ERCC6L: variants seen among roughly 807,000 people sequenced by gnomAD.
ERCC6L encodes DNA excision repair protein ERCC-6-like.
ERCC6L carries 7 observed loss-of-function variants against 20.1 expected under a neutral mutation model. The ratio of observed to expected loss-of-function variants is 0.35; its 90% confidence interval spans 0.20 to 0.65. The LOEUF (loss-of-function observed/expected upper bound fraction) is 0.65, where lower values mean the gene tolerates loss of function less well. Ranked by LOEUF, ERCC6L falls within the 30% of genes least tolerant of loss-of-function variation. The pLI, the probability that ERCC6L is intolerant of heterozygous loss-of-function variation, is 0.69. For synonymous variants in ERCC6L, 278 were observed against 331.3 expected, an observed-to-expected ratio of 0.84 and a Z score of 1.75; for missense variants, 592 against 892.4, an observed-to-expected ratio of 0.66 and a Z score of 4.29.
intron 1 of ERCC6L, among the ~76,000 whole-genome samples, chrX:72,214,955 C>G (rs1230453913): frequency 9.0e-6 from 1 of 111,285 alleles, no homozygotes; most frequent in Non-Finnish European, 1.9e-5. Context: ...CCACTGCACT[C>G]CAGCCTGGAT....
At chrX:72,222,279 C>A (rs1311527951) in intron 1 of ERCC6L, among the ~76,000 whole-genome samples, 2 of 112,118 alleles carry the variant, frequency 1.8e-5, no homozygotes, top group Non-Finnish European at 3.8e-5. Context: ...GTAACCCAAT[C>A]CTTTAATTTA....
Position 72,238,957 on chromosome X carries a change from T to C in ERCC6L, c.-46A>G. On this transcript the variant is annotated 5_prime_UTR_variant, in exon 1 of 2. Coordinates refer to ENST00000334463, the MANE Select transcript of ERCC6L (RefSeq NM_017669.4). ...GTTACCCCGGCGGGAGTTTGGAGCT[T>C]GGAGCTTGGAGCTTGGAGCTTGGAG... 4.1e-6 allele frequency: 4 copies of C among 972,516 alleles called. No homozygotes were observed. The highest frequency in any genetic ancestry group is 5.7e-6 in the Non-Finnish European group (4 of 698,237). 80.1% of individuals were successfully genotyped at this position (972,516 alleles called of 1,213,427 possible).
intron 1 of ERCC6L, among the ~76,000 whole-genome samples, chrX:72,212,739 G>T (rs1000749566): frequency 8.9e-6 from 1 of 111,896 alleles, no homozygotes; most frequent in African/African-American, 3.3e-5. Context: ...CCAGGAGTTT[G>T]AGACTAGCCT....
chrX:72,205,377 C>A lies in ERCC6L; in HGVS notation c.3390G>T (p.Gly1130=). 2 of 1,211,975 alleles carry A rather than the reference C, an allele frequency of 1.7e-6. No homozygotes were observed. The highest frequency in any genetic ancestry group is 1.8e-5 in the South Asian group (1 of 57,016). The change falls in exon 2 of 2, where the codon GGG becomes GGT. Residue 1130 remains glycine (G), a synonymous_variant. Transcript: ENST00000334463. The part of the protein sequence containing the change: ...AKGPEDYPEE[G]VEESSGEASK... ...AGGCTTCGCCACTGCTTTCCTCCAC[C>A]CCTTCTTCTGGATAATCTTCAGGAC...
chrX:72,222,020 A>C (rs1602445907), intron 1 of ERCC6L, among the ~76,000 whole-genome samples: 2 of 100,929 alleles, frequency 2.0e-5, no homozygotes, highest in African/African-American at 3.7e-5. Flanking sequence ...CAAACCCTCC[A>C]CCCCAGGGGG....
At position 72,205,272 on chromosome X, in the gene ERCC6L, A is replaced by G; in HGVS notation, c.3495T>C (p.Pro1165=). The G allele has an allele frequency of 8.3e-7, 1 of 1,212,031 alleles. No homozygotes were observed. Among genetic ancestry groups the G allele is most frequent in the Non-Finnish European group, 1.1e-6 (1 of 895,601 alleles). ...GAGAGGTCTCTTGAGCTAGAGCACT[A>G]GGCTTAGACGTCATTAACCAGCTGG... The part of the protein sequence containing the change: ...NKSSWLMTSK[P]SALAQETSLG... Residue 1165 remains proline, a synonymous_variant, in exon 2 of 2, where the codon CCT becomes CCC. Transcript: ENST00000334463.
Position 72,239,014 on chromosome X carries a change from C to G in ERCC6L, c.-103G>C. On this transcript the variant is annotated 5_prime_UTR_variant, in exon 1 of 2. Coordinates refer to ENST00000334463, the MANE Select transcript of ERCC6L (RefSeq NM_017669.4). ...GTTTGGAGCTTGAATTTCGCTCACT[C>G]CCGCCCCGCGCATGCTCTGTGCGCC... 1.2e-6 allele frequency: 1 copy of G among 827,588 alleles called. No homozygotes were observed. Among genetic ancestry groups the G allele is most frequent in the Non-Finnish European group, 1.7e-6 (1 of 577,674 alleles). 68.2% of individuals were successfully genotyped at this position (827,588 alleles called of 1,213,427 possible). A position where few individuals can be genotyped will look rare whatever the true frequency, so the allele number is the denominator to read the frequency against.
intron 1 of ERCC6L, among the ~76,000 whole-genome samples, chrX:72,209,003 T>C (rs878975261): frequency 1.8e-5 from 2 of 112,030 alleles, no homozygotes; most frequent in Non-Finnish European, 3.8e-5. Flanking sequence ...GTGATATTTT[T>C]TGTAAAACAA....
intron 1 of ERCC6L, among the ~76,000 whole-genome samples, chrX:72,212,202 C>T (rs1208325721): frequency 1.8e-5 from 2 of 109,553 alleles, no homozygotes; most frequent in East Asian, 2.9e-4. Context: ...ACGTGAAAGG[C>T]GGGGGTTGCA....
intron 1 of ERCC6L, among the ~76,000 whole-genome samples, chrX:72,224,177 C>T (rs182725704): frequency 1.2e-4 from 13 of 111,550 alleles, no homozygotes; most frequent in Admixed American, 3.8e-4. Context: ...TCAGTATTAA[C>T]TGAATATCAA....
chrX:72,211,725 A>C (rs900014331), intron 1 of ERCC6L, among the ~76,000 whole-genome samples: 2 of 110,668 alleles, frequency 1.8e-5, no homozygotes, highest in African/African-American at 6.6e-5. Context: ...TCTAGGCTGC[A>C]GTGAGCCATG....
At position 72,205,862 on chromosome X, in the gene ERCC6L, T is replaced by C. The variant is rs753436230; in HGVS notation, c.2905A>G (p.Ser969Gly). ...DSADNRQNFS[S>G]QSLEHVEKEN... ...TTCTCAACATGCTCTAAAGACTGACTGGAAAAATTTTGTCTGTTGTCTGCT... is the reference window on the plus strand; with the variant it reads ...TTCTCAACATGCTCTAAAGACTGACCGGAAAAATTTTGTCTGTTGTCTGCT... The change falls in exon 2 of 2, where the codon AGT becomes GGT. Residue 969 changes from serine to glycine, a missense_variant. Transcript: ENST00000334463. 1.7e-6 allele frequency: 2 copies of C among 1,211,767 alleles called. No individual in the cohort carries two copies. Among genetic ancestry groups the C allele is most frequent in the Non-Finnish European group, 2.2e-6 (2 of 895,501 alleles).
chrX:72,221,308 G>A (rs905167413), intron 1 of ERCC6L, among the ~76,000 whole-genome samples: 7 of 111,852 alleles, frequency 6.3e-5, no homozygotes, highest in Admixed American at 3.8e-4. Flanking sequence ...GCTTTCTCAC[G>A]GTACCAGGAA....
rs1339227994 is a variant in ERCC6L at position 72,207,253 on chromosome X, C to T, written c.1514G>A (p.Arg505Gln). The change falls in exon 2 of 2, where the codon CGA (arginine) becomes CAA (glutamine). Residue 505 changes from arginine to glutamine, a missense_variant. Physicochemically the swap from Arg to Gln is conservative, Grantham distance 43. This residue lies in a region of ERCC6L where 196 missense variants were observed against 440.1 expected (regional missense o/e 0.45). Transcript: ENST00000334463. The part of the protein sequence containing the change: ...LLKNRHFKTL[R>Q]IDGTVTHLLE... ...AAGATGAGTAACTGTCCCATCGATT[C>T]GCAATGTCTTAAAGTGCCTATTCTT... is the stretch of plus-strand genomic sequence containing the variant. 6 of 1,209,962 alleles carry T rather than the reference C, an allele frequency of 5.0e-6. No individual in the cohort carries two copies. Among genetic ancestry groups the T allele is most frequent in the Non-Finnish European group, 5.6e-6 (5 of 895,188 alleles).
At chrX:72,218,393 G>C (rs1429536995) in intron 1 of ERCC6L, among the ~76,000 whole-genome samples, 1 of 110,996 alleles carries the variant, frequency 9.0e-6, no homozygotes, top group Non-Finnish European at 1.9e-5. Context: ...CAGATGTGAG[G>C]CACCACGGTC....
In ERCC6L at chrX:72,205,378, CCTT is replaced by C. The variant is rs780485401; in HGVS notation, c.3386_3388del (p.Glu1129del). Reference sequence around the variant, plus strand: ...GGCTTCGCCACTGCTTTCCTCCACCCCTTCTTCTGGATAATCTTCAGGACCCTT... The same window carrying C: ...GGCTTCGCCACTGCTTTCCTCCACCCCTTCTGGATAATCTTCAGGACCCTT... On this transcript the variant is annotated inframe_deletion, in exon 2 of 2. Coordinates refer to ENST00000334463, the MANE Select transcript of ERCC6L (RefSeq NM_017669.4). The C allele has an allele frequency of 5.8e-6, 7 of 1,211,996 alleles. No homozygotes were observed. The highest frequency in any genetic ancestry group is 2.3e-4 in the Middle Eastern group (1 of 4,353).
intron 1 of ERCC6L, among the ~76,000 whole-genome samples, chrX:72,211,457 TTA>T (rs926010845): frequency 1.8e-5 from 2 of 111,976 alleles, no homozygotes; most frequent in Admixed American, 1.9e-4. Context: ...TTACCTGAAA[TTA>T]TATGACTAGA....
chrX:72,222,246 A>G (rs892071400), intron 1 of ERCC6L, among the ~76,000 whole-genome samples: 2 of 112,056 alleles, frequency 1.8e-5, no homozygotes, highest in Non-Finnish European at 3.8e-5. Flanking sequence ...AATCCCTATC[A>G]CTATCGCAGG....
Position 72,207,930 on chromosome X carries a change from C to G in ERCC6L, c.837G>C (p.Leu279=). 8.3e-7 allele frequency: 1 copy of G among 1,211,658 alleles called. No individual in the cohort carries two copies. The highest frequency in any genetic ancestry group is 1.1e-6 in the Non-Finnish European group (1 of 895,481). The change falls in exon 2 of 2, where the codon CTG becomes CTC. Residue 279 remains leucine (L), a synonymous_variant. Coordinates refer to ENST00000334463, the MANE Select transcript of ERCC6L (RefSeq NM_017669.4). ...TCTTAAAAGTTTTTAATGTTCCCAG[C>G]AGGGACCCTTGACAAGCAAAATCAA... ...SLFDFACQGS[L]LGTLKTFKME... is the part of the protein sequence containing the mutation.
Sources: allele counts gnomAD v4.1 joint callset (sites outside exome capture counted in the v4.1 genomes callset), GRCh38; gene constraint gnomAD v4.1.1; regional missense constraint gnomAD v4.1.1; transcripts MANE v1.5; gene names NCBI Gene and HGNC (gene_info 2026-07-23, HGNC 2026-07-21).